Variants in PTPN4 observed in about 807,000 individuals in gnomAD.
PTPN4 encodes the protein tyrosine-protein phosphatase non-receptor type 4.
Under a neutral mutation model 135.5 loss-of-function variants are expected in PTPN4, and 49 were observed. The ratio of observed to expected loss-of-function variants is 0.36; its 90% CI spans 0.29 to 0.46. PTPN4 has a LOEUF of 0.46. PTPN4 is among the 20% of genes least tolerant of loss of function. The pLI is 1.00. For synonymous variants in PTPN4, 333 were observed against 369.9 expected, an observed-to-expected ratio of 0.90 and a Z score of 1.14; for missense variants, 860 against 1,101.0, an observed-to-expected ratio of 0.78 and a Z score of 3.10.
At chr2:119,834,247 C>G (rs1291478041) in intron 2 of PTPN4, among the ~76,000 whole-genome samples, 1 of 152,128 alleles carries the variant, frequency 6.6e-6, no homozygotes, top group Non-Finnish European at 1.5e-5. Flanking sequence ...CCCTACTCTA[C>G]TGAGGAACAT....
chr2:119,864,455 G>A (rs756793013), intron 3 of PTPN4, among the ~76,000 whole-genome samples: 7 of 151,978 alleles, frequency 4.6e-5, no homozygotes, highest in Non-Finnish European at 8.8e-5. Flanking sequence ...AGTATACCTC[G>A]TGAAGAGAAA....
chr2:119,952,188 G>GC, intron 19 of PTPN4, 59 bp downstream of exon 19: 2 of 1,435,020 alleles, frequency 1.4e-6, no homozygotes, highest in Non-Finnish European at 9.5e-7. Context: ...TCATTACTGA[G>GC]CACAGCAGCC....
chr2:119,982,961 A>G lies in PTPN4; in HGVS notation c.*5891A>G, dbSNP rs1249401736. The G allele has an allele frequency of 2.0e-5, 3 of 152,222 alleles. No homozygotes were observed. The highest frequency in any genetic ancestry group is 1.5e-5 in the Non-Finnish European group (1 of 68,030). 9.4% of individuals were successfully genotyped at this position (152,222 alleles called of 1,614,324 possible). A position where few individuals can be genotyped will look rare whatever the true frequency, so the allele number is the denominator to read the frequency against. On this transcript the variant is annotated 3_prime_UTR_variant, in exon 27 of 27. Coordinates refer to ENST00000263708, the MANE Select transcript of PTPN4 (RefSeq NM_002830.4). ...TAAACCACCTTTGTAGGTATGATTA[A>G]TACGTGCAACAGCTGCTTTAAAAGG...
In PTPN4 at chr2:119,926,114, A is replaced by C. The variant is rs918808975; in HGVS notation, c.1002-484A>C. Among the ~76,000 whole-genome samples the C allele has an allele frequency of 2.0e-5, 3 of 152,216 alleles. No homozygotes were observed. The South Asian group carries it at 6.2e-4, about 32-fold the overall frequency. ...GATAGCTATATTTGTATATGGTTAC[A>C]TTTGATATACCGCAAATTTATGTTA... On this transcript the variant is annotated intron_variant, in intron 12 of 26. Coordinates refer to ENST00000263708, the MANE Select transcript of PTPN4 (RefSeq NM_002830.4).
intron 2 of PTPN4, 64 bp from the exon 3 acceptor site, chr2:119,862,472 T>TA: frequency 1.4e-6 from 2 of 1,456,550 alleles, no homozygotes; most frequent in East Asian, 2.3e-5. Flanking sequence ...TCAACCAGGT[T>TA]AAAAAATGTG....
At chr2:119,897,686 A>G (rs969064841) in intron 9 of PTPN4, among the ~76,000 whole-genome samples, 8 of 152,210 alleles carry the variant, frequency 5.3e-5, no homozygotes, top group South Asian at 2.1e-4. Context: ...TTTTCAAGCC[A>G]TATAGCCACT....
At chr2:119,850,412 C>T (rs1022384368) in intron 2 of PTPN4, among the ~76,000 whole-genome samples, 2 of 152,182 alleles carry the variant, frequency 1.3e-5, no homozygotes, top group Non-Finnish European at 2.9e-5. Flanking sequence ...TAGAGTCTTG[C>T]CCTGCAGGCT....
At chr2:119,937,865 G>A (rs984956006) in intron 15 of PTPN4, among the ~76,000 whole-genome samples, 1 of 151,840 alleles carries the variant, frequency 6.6e-6, no homozygotes, top group African/African-American at 2.4e-5. Flanking sequence ...CCAGGAGTTC[G>A]AGGATGTATT....
At chr2:119,785,075 G>C (rs2104931267) in intron 1 of PTPN4, among the ~76,000 whole-genome samples, 1 of 152,178 alleles carries the variant, frequency 6.6e-6, no homozygotes, top group South Asian at 2.1e-4. Context: ...TTGTATGATT[G>C]TCCTGTGCAA....
At chr2:119,896,006 A>G (rs1443127062) in intron 9 of PTPN4, among the ~76,000 whole-genome samples, 1 of 152,142 alleles carries the variant, frequency 6.6e-6, no homozygotes, top group Non-Finnish European at 1.5e-5. Context: ...ATGTTAGAAC[A>G]TCTGTTCATA....
chr2:119,898,244 T>G, intron 9 of PTPN4, among the ~76,000 whole-genome samples: 1 of 152,174 alleles, frequency 6.6e-6, no homozygotes, highest in South Asian at 2.1e-4. Context: ...GCTAATAAAA[T>G]TTTTACTGAG....
rs532249736 is a variant in PTPN4, at chr2:119,915,189, G to T, written c.775G>T (p.Val259Leu). The T allele has an allele frequency of 6.5e-7, 1 of 1,542,064 alleles. No individual in the cohort carries two copies. ...TTGTCTTTTGTCCAGGTTGAAGATT[G>T]TAAAAATTTCTTTTAAGTGCAAACA... ...RMNTFPWLKIVKISFKCKQFF... is the reference protein window; with the variant it reads ...RMNTFPWLKILKISFKCKQFF... Residue 259 changes from valine to leucine, a missense_variant, in exon 11 of 27, where the codon GTA (valine) becomes TTA (leucine). Transcript: ENST00000263708.
intron 1 of PTPN4, among the ~76,000 whole-genome samples, chr2:119,762,600 C>T (rs183353340): frequency 1.1e-4 from 16 of 152,134 alleles, no homozygotes; most frequent in Non-Finnish European, 2.1e-4. Flanking sequence ...TTCTGCCCCC[C>T]GCTTGAGAGT....
intron 1 of PTPN4, among the ~76,000 whole-genome samples, chr2:119,775,841 A>ATC (rs1266139448): frequency 1.3e-5 from 2 of 151,434 alleles, no homozygotes; most frequent in Non-Finnish European, 2.9e-5. Flanking sequence ...CTATATCTAT[A>ATC]TATCTATCTA....
chr2:119,836,746 G>A (rs112049876), intron 2 of PTPN4, among the ~76,000 whole-genome samples: 4 of 152,336 alleles, frequency 2.6e-5, no homozygotes, highest in Admixed American at 6.5e-5. Flanking sequence ...CGCTCCCAGC[G>A]CCTGCTCCAA....
chr2:119,778,227 A>G (rs1049791090), intron 1 of PTPN4, among the ~76,000 whole-genome samples: 3 of 152,184 alleles, frequency 2.0e-5, no homozygotes, highest in African/African-American at 4.8e-5. Context: ...AAGGACAGAA[A>G]TTTAGAAAAT....
At chr2:119,867,056 A>G (rs1677843805) in intron 3 of PTPN4, among the ~76,000 whole-genome samples, 1 of 152,180 alleles carries the variant, frequency 6.6e-6, no homozygotes, top group South Asian at 2.1e-4. Flanking sequence ...GTGAAGAAAC[A>G]GGAATGCTGA....
At chr2:119,823,060 C>G (rs1677093475) in intron 2 of PTPN4, among the ~76,000 whole-genome samples, 1 of 152,092 alleles carries the variant, frequency 6.6e-6, no homozygotes, top group Non-Finnish European at 1.5e-5. Context: ...TTATCTCAAC[C>G]TTTATTCTTT....
chr2:119,765,223 C>T (rs1690591131), intron 1 of PTPN4, among the ~76,000 whole-genome samples: 1 of 152,084 alleles, frequency 6.6e-6, no homozygotes, highest in African/African-American at 2.4e-5. Flanking sequence ...TTTTCTATTC[C>T]CATCTTCATG....
Sources: gnomAD v4.1 joint callset for allele counts (sites outside exome capture counted in the v4.1 genomes callset) on GRCh38, gnomAD v4.1.1 for gene constraint, MANE v1.5 for transcripts, NCBI Gene and HGNC (gene_info 2026-07-23, HGNC 2026-07-21) for gene names.